Variants in SLC41A2 observed in about 807,000 individuals in gnomAD.
The protein encoded by SLC41A2 is SLC41A1-like 1.
Under a neutral mutation model 58.3 loss-of-function variants are expected in SLC41A2, and 32 were observed. The ratio of observed to expected loss-of-function variants is 0.55; its 90% CI spans 0.41 to 0.74. The LOEUF (loss-of-function observed/expected upper bound fraction) is 0.74, where lower values mean the gene tolerates loss of function less well. Among genes scored for constraint, SLC41A2 ranks in the 30% least tolerant of loss-of-function variants. The probability of loss-of-function intolerance (pLI) is 0.00; values close to 1 mark genes in which losing one functional copy is unlikely to be tolerated. For missense variants in SLC41A2, 514 were observed against 680.6 expected (o/e 0.76, Z 2.72); for synonymous variants, 190 against 235.0 (o/e 0.81, Z 1.75).
At chr12:104,814,524 A>G (rs140255691) in intron 10 of SLC41A2, among the ~76,000 whole-genome samples, 4 of 152,282 alleles carry the variant, frequency 2.6e-5, no homozygotes, top group African/African-American at 9.6e-5. Flanking sequence ...TTCTAGCAAA[A>G]TACTTATACA....
At position 104,804,613 on chromosome 12, in the gene SLC41A2, T is replaced by C. The variant is rs2040827219; in HGVS notation, c.*539A>G. On this transcript the variant is annotated 3_prime_UTR_variant, in exon 11 of 11. Coordinates refer to ENST00000258538, the MANE Select transcript of SLC41A2 (RefSeq NM_001352171.3). ...GATGGAGGTAAAAGTGAGTTTATCT[T>C]ATGCTCAGCAAAACATATTTAGGTC... 1 of 152,354 alleles carries C rather than the reference T, an allele frequency of 6.6e-6. No homozygotes were observed. The highest frequency in any genetic ancestry group is 2.1e-4 in the South Asian group (1 of 4,832). 9.4% of individuals were successfully genotyped at this position (152,354 alleles called of 1,614,324 possible).
chr12:104,944,412 C>A (rs757191230), intron 1 of SLC41A2, among the ~76,000 whole-genome samples: 1 of 152,240 alleles, frequency 6.6e-6, no homozygotes, highest in Non-Finnish European at 1.5e-5. Context: ...CTCCAAACTG[C>A]ACTTTCCGTA....
intron 4 of SLC41A2, among the ~76,000 whole-genome samples, chr12:104,892,363 C>A (rs2045050448): frequency 6.7e-6 from 1 of 148,860 alleles, no homozygotes; most frequent in Non-Finnish European, 1.5e-5. Context: ...GAAGAGGACA[C>A]CAAAAAGTGT....
intron 1 of SLC41A2, among the ~76,000 whole-genome samples, chr12:104,930,076 C>T (rs545863710): frequency 6.6e-6 from 1 of 152,324 alleles, no homozygotes; most frequent in South Asian, 2.1e-4. Context: ...TTCTGAGGAA[C>T]ATTTTTAAAA....
chr12:104,955,815 A>G (rs1335322421), intron 1 of SLC41A2, among the ~76,000 whole-genome samples: 1 of 151,996 alleles, frequency 6.6e-6, no homozygotes, highest in Non-Finnish European at 1.5e-5. Flanking sequence ...TCGGAAATTA[A>G]CCATGAAATA....
chr12:104,949,247 T>C (rs549571160), intron 1 of SLC41A2, among the ~76,000 whole-genome samples: 2 of 152,204 alleles, frequency 1.3e-5, no homozygotes, highest in African/African-American at 4.8e-5. Flanking sequence ...GTAAAATAAA[T>C]GAACAAATAT....
intron 10 of SLC41A2, among the ~76,000 whole-genome samples, chr12:104,821,289 A>G (rs755473111): frequency 6.6e-6 from 1 of 152,178 alleles, no homozygotes; most frequent in African/African-American, 2.4e-5. Context: ...GAAGAATCCC[A>G]TAATATTAAA....
chr12:104,830,102 ATTG>A (rs1175962689), intron 10 of SLC41A2, among the ~76,000 whole-genome samples: 3 of 152,174 alleles, frequency 2.0e-5, no homozygotes, highest in African/African-American at 4.8e-5. Context: ...AATTAACCAG[ATTG>A]TTCTCAATCC....
At position 104,840,355 on chromosome 12, in the gene SLC41A2, A is replaced by T. The variant is rs142741886; in HGVS notation, c.1536+4117T>A. ...GTATACTCTGCTTCTATGAAATCAAAGCTGTGGGTTCAATGTGCTAGTTTA... is the reference window on the plus strand; with the variant it reads ...GTATACTCTGCTTCTATGAAATCAATGCTGTGGGTTCAATGTGCTAGTTTA... On this transcript the variant is annotated intron_variant, in intron 10 of 10. Coordinates refer to ENST00000258538, the MANE Select transcript of SLC41A2 (RefSeq NM_001352171.3). Among the ~76,000 whole-genome samples the T allele has an allele frequency of 1.1e-3, 166 of 152,344 alleles. 1 individual carries two copies. The highest frequency in any genetic ancestry group is 3.8e-3 in the African/African-American group (160 of 41,594).
intron 1 of SLC41A2, among the ~76,000 whole-genome samples, chr12:104,940,873 C>T (rs1003873643): frequency 2.8e-5 from 4 of 142,398 alleles, no homozygotes; most frequent in Non-Finnish European, 4.5e-5. Context: ...GAGCCGAGAT[C>T]ATGGTGATCC....
chr12:104,913,059 T>C (rs2046154870), intron 2 of SLC41A2, among the ~76,000 whole-genome samples: 1 of 152,192 alleles, frequency 6.6e-6, no homozygotes. Context: ...TCAACTCAAA[T>C]GAAATACTTA....
intron 8 of SLC41A2, among the ~76,000 whole-genome samples, chr12:104,854,692 C>G (rs1423968186): frequency 6.6e-6 from 1 of 152,064 alleles, no homozygotes; most frequent in African/African-American, 2.4e-5. Context: ...AAATCAGGTA[C>G]CTCTGGTTAC....
At chr12:104,809,965 T>C (rs1237954897) in intron 10 of SLC41A2, among the ~76,000 whole-genome samples, 1 of 152,114 alleles carries the variant, frequency 6.6e-6, no homozygotes, top group Non-Finnish European at 1.5e-5. Context: ...CCTAGCAAAG[T>C]GACTAACTTA....
intron 9 of SLC41A2, among the ~76,000 whole-genome samples, chr12:104,845,229 T>G (rs2042560793): frequency 6.6e-6 from 1 of 152,076 alleles, no homozygotes; most frequent in Non-Finnish European, 1.5e-5. Flanking sequence ...GAGTTTGAGG[T>G]GCAGTGAGCT....
chr12:104,837,631 A>C (rs1028189930), intron 10 of SLC41A2, among the ~76,000 whole-genome samples: 1 of 152,138 alleles, frequency 6.6e-6, no homozygotes, highest in South Asian at 2.1e-4. Flanking sequence ...AGAATAAATA[A>C]GAAGAGTTCT....
intron 10 of SLC41A2, among the ~76,000 whole-genome samples, chr12:104,815,898 T>C (rs2041379639): frequency 6.6e-6 from 1 of 152,234 alleles, no homozygotes; most frequent in South Asian, 2.1e-4. Context: ...TGAACTATTT[T>C]GTTGGGTGGC....
intron 10 of SLC41A2, 91 bp downstream of exon 10, chr12:104,844,381 G>T: frequency 1.2e-6 from 1 of 866,620 alleles, no homozygotes; most frequent in Non-Finnish European, 1.6e-6. Context: ...TTTTGAAATG[G>T]TAAAATGTGT....
chr12:104,907,656 T>C (rs2045911536), intron 3 of SLC41A2, among the ~76,000 whole-genome samples: 1 of 152,226 alleles, frequency 6.6e-6, no homozygotes, highest in South Asian at 2.1e-4. Context: ...AGAGTTACCC[T>C]GTGCAGGTAA....
chr12:104,829,323 A>G (rs2041960776), intron 10 of SLC41A2, among the ~76,000 whole-genome samples: 2 of 152,238 alleles, frequency 1.3e-5, no homozygotes, highest in South Asian at 4.1e-4. Context: ...AATAAAAATT[A>G]TTAAACTACT....
Sources: allele counts gnomAD v4.1 joint callset (sites outside exome capture counted in the v4.1 genomes callset), GRCh38; gene constraint gnomAD v4.1.1; transcripts MANE v1.5; gene names NCBI Gene and HGNC (gene_info 2026-07-23, HGNC 2026-07-21).